GABRR2: variants seen among roughly 807,000 people sequenced by gnomAD.
GABRR2 encodes gamma-aminobutyric acid receptor subunit rho-2.
GABRR2 carries 36 observed loss-of-function variants against 47.0 expected under a neutral mutation model. That is an observed-to-expected ratio of 0.77 (90% CI 0.59 to 1.01). The LOEUF is 1.01. Among genes scored for constraint, GABRR2 ranks in the 50% least tolerant of loss-of-function variants. The pLI is 0.00. For missense variants in GABRR2, 587 were observed against 594.6 expected (o/e 0.99, Z 0.13); for synonymous variants, 204 against 227.5 (o/e 0.90, Z 0.93).
At chr6:89,259,892 T>C (rs1407318697) in intron 8 of GABRR2, among the ~76,000 whole-genome samples, 1 of 148,158 alleles carries the variant, frequency 6.7e-6, no homozygotes, top group African/African-American at 2.5e-5. Context: ...TCTTTTTTTT[T>C]TTTTTTGTTT....
chr6:89,298,390 C>G (rs1218483609), intron 2 of GABRR2, among the ~76,000 whole-genome samples: 10 of 152,152 alleles, frequency 6.6e-5, no homozygotes, highest in African/African-American at 2.4e-4. Flanking sequence ...CATACATTAT[C>G]TTGTTTAATC....
rs1472590035 is a variant in GABRR2 at position 89,269,315 on chromosome 6, G to A, written c.289-81C>T. The stretch of plus-strand genomic sequence containing the variant: ...CAATCAACCCACCATTCACTACTGT[G>A]GTGAACATCTCAGGCTCAGCATCCA... On this transcript the variant is annotated intron_variant, in intron 3 of 8. Transcript: ENST00000402938. The A allele has an allele frequency of 3.9e-6, 4 of 1,035,692 alleles. No homozygotes were observed. The African/African-American group carries it at 4.7e-5, about 12-fold the overall frequency. The allele number at this position is 1,035,692 out of a possible 1,614,324, so 64.2% of individuals were successfully genotyped here. A position where few individuals can be genotyped will look rare whatever the true frequency, so the allele number is the denominator to read the frequency against.
chr6:89,275,119 A>T (rs941979894), intron 2 of GABRR2, among the ~76,000 whole-genome samples: 1 of 152,194 alleles, frequency 6.6e-6, no homozygotes, highest in Non-Finnish European at 1.5e-5. Context: ...ACTGAAAAAG[A>T]TAATAAATCA....
At chr6:89,298,324 G>T (rs753704683) in intron 2 of GABRR2, among the ~76,000 whole-genome samples, 13 of 152,198 alleles carry the variant, frequency 8.5e-5, no homozygotes, top group Non-Finnish European at 1.6e-4. Flanking sequence ...CAAGAGGAAG[G>T]TCTGGCAGCT....
rs1407968381 is a variant in GABRR2, at chr6:89,315,091, C to T, written c.75G>A (p.Arg25=). The T allele has an allele frequency of 3.7e-6, 6 of 1,613,834 alleles. No individual in the cohort carries two copies. In the Admixed American group the frequency reaches 6.7e-5, roughly 18 times the overall value. ...MVLVESRKPK[R]KRWTGQVEMP... ...TTTCCACCTGCCCTGTCCATCGCTT[C>T]CTCTTGGGTTTTCTGCTCTCCACGA... The change falls in exon 1 of 9, where the codon AGG becomes AGA. Residue 25 remains arginine (R), a synonymous_variant. Coordinates refer to ENST00000402938, the MANE Select transcript of GABRR2 (RefSeq NM_002043.5).
intron 1 of GABRR2, among the ~76,000 whole-genome samples, chr6:89,308,491 A>T (rs967896832): frequency 1.7e-4 from 25 of 151,244 alleles, no homozygotes; most frequent in Middle Eastern, 3.4e-3. Flanking sequence ...AAAAAATTAA[A>T]TAAATAAATA....
At chr6:89,277,386 A>G (rs1335026263) in intron 2 of GABRR2, among the ~76,000 whole-genome samples, 1 of 152,208 alleles carries the variant, frequency 6.6e-6, no homozygotes, top group Non-Finnish European at 1.5e-5. Flanking sequence ...TCAGGCAGTT[A>G]TTTATAGCAG....
At chr6:89,276,135 C>T (rs1046706106) in intron 2 of GABRR2, among the ~76,000 whole-genome samples, 4 of 146,412 alleles carry the variant, frequency 2.7e-5, no homozygotes, top group South Asian at 4.3e-4. Flanking sequence ...ATATTATATA[C>T]ATTATAAATT....
At chr6:89,305,939 T>C (rs775739551) in intron 1 of GABRR2, among the ~76,000 whole-genome samples, 7 of 151,882 alleles carry the variant, frequency 4.6e-5, no homozygotes, top group Non-Finnish European at 8.8e-5. Flanking sequence ...TGTATACCCC[T>C]GAACCTAAAA....
chr6:89,286,610 C>A (rs916588610), intron 2 of GABRR2, among the ~76,000 whole-genome samples: 11 of 151,940 alleles, frequency 7.2e-5, no homozygotes, highest in African/African-American at 2.4e-4. Flanking sequence ...CTAATGGGAC[C>A]CAGCCCTGCC....
intron 1 of GABRR2, among the ~76,000 whole-genome samples, chr6:89,311,646 G>T (rs985773690): frequency 3.9e-5 from 6 of 152,210 alleles, no homozygotes; most frequent in Non-Finnish European, 8.8e-5. Context: ...AAGCAGGGCT[G>T]ATGTCACCGT....
Position 89,299,259 on chromosome 6 carries a change from A to G in GABRR2, c.220+500T>C, listed in dbSNP as rs113739623. Among the ~76,000 whole-genome samples the G allele has an allele frequency of 6.1e-3, 935 of 152,298 alleles. 6 individuals carry two copies. The highest frequency in any genetic ancestry group is 0.022 in the African/African-American group (904 of 41,564). The stretch of plus-strand genomic sequence containing the variant: ...GCTGCACTGGAAAACAGGTGACTCC[A>G]TCAAAACAGCAAACTCCCAGGTAGT... On this transcript the variant is annotated intron_variant, in intron 2 of 8. Coordinates refer to ENST00000402938, the MANE Select transcript of GABRR2 (RefSeq NM_002043.5).
intron 2 of GABRR2, among the ~76,000 whole-genome samples, chr6:89,280,247 T>TACATAC (rs1554197253): frequency 9.9e-6 from 1 of 101,328 alleles, no homozygotes; most frequent in African/African-American, 3.5e-5. Flanking sequence ...TATATATATA[T>TACATAC]ATATATACAT....
chr6:89,276,498 G>T (rs1455004021), intron 2 of GABRR2, among the ~76,000 whole-genome samples: 4 of 151,948 alleles, frequency 2.6e-5, no homozygotes, highest in African/African-American at 7.2e-5. Context: ...TGAATAGAAG[G>T]GAATTTTCTC....
intron 2 of GABRR2, among the ~76,000 whole-genome samples, chr6:89,287,426 G>A (rs1353011199): frequency 6.6e-6 from 1 of 152,226 alleles, no homozygotes; most frequent in Non-Finnish European, 1.5e-5. Context: ...CCCTGAGAGA[G>A]ACCCTCAGAG....
chr6:89,258,885 C>A (rs903621106), intron 8 of GABRR2, among the ~76,000 whole-genome samples: 1 of 145,942 alleles, frequency 6.9e-6, no homozygotes. Flanking sequence ...ATGTATTATG[C>A]ATTGAATGCA....
intron 1 of GABRR2, chr6:89,302,822 G>A: frequency 7.1e-7 from 1 of 1,415,218 alleles, no homozygotes; most frequent in Non-Finnish European, 9.8e-7. Flanking sequence ...AGGTGGACGT[G>A]TGTGACATCC....
intron 1 of GABRR2, chr6:89,301,997 A>G: frequency 1.4e-6 from 1 of 731,514 alleles, no homozygotes; most frequent in Non-Finnish European, 2.5e-6. Context: ...GCCCGGGACC[A>G]TGGACAGTGT....
chr6:89,309,223 C>T (rs2127851138), intron 1 of GABRR2, among the ~76,000 whole-genome samples: 1 of 152,286 alleles, frequency 6.6e-6, no homozygotes, highest in East Asian at 1.9e-4. Flanking sequence ...TCTTGTCCTT[C>T]CACCCTGCTG....
Sources: gnomAD v4.1 joint callset for allele counts (sites outside exome capture counted in the v4.1 genomes callset) on GRCh38, gnomAD v4.1.1 for gene constraint, MANE v1.5 for transcripts, NCBI Gene and HGNC (gene_info 2026-07-23, HGNC 2026-07-21) for gene names.